Variants in THSD7B observed in about 807,000 individuals in gnomAD.
THSD7B encodes the protein thrombospondin type 1 domain containing 7B.
THSD7B carries 138 observed loss-of-function variants against 213.6 expected under a neutral mutation model. That is an observed-to-expected ratio of 0.65 (90% confidence interval 0.56 to 0.74). The LOEUF (loss-of-function observed/expected upper bound fraction) is 0.74. Among genes scored for constraint, THSD7B ranks in the 30% least tolerant of loss-of-function variants. The pLI, the probability that THSD7B is intolerant of heterozygous loss-of-function variation, is 0.00. For missense variants in THSD7B, 1,931 were observed against 1,991.5 expected, an observed-to-expected ratio of 0.97 and a Z score of 0.58; for synonymous variants, 742 against 687.0, an observed-to-expected ratio of 1.08 and a Z score of -1.25.
chr2:137,654,000 G>A (rs1414354219), intron 21 of THSD7B, among the ~76,000 whole-genome samples: 2 of 151,890 alleles, frequency 1.3e-5, no homozygotes, highest in Admixed American at 6.6e-5. Flanking sequence ...CTGTCTTTAT[G>A]TGGAAGGCTT....
rs547600796 is a variant in THSD7B, at chr2:136,899,484, A to T, written c.139+17167A>T. Among the ~76,000 whole-genome samples, 3 of 152,332 alleles carry T rather than the reference A, an allele frequency of 2.0e-5. No homozygotes were observed. In the East Asian group the frequency reaches 5.8e-4, roughly 29 times the overall value. ...CCAATTGGACAATATATTTCAGTAA[A>T]CGCACAAATCGGTTTTGTACTTCAG... On this transcript the variant is annotated intron_variant, in intron 2 of 27. Coordinates refer to ENST00000409968, the MANE Select transcript of THSD7B (RefSeq NM_001316349.2).
At chr2:136,819,577 G>A (rs1012074406) in intron 1 of THSD7B, among the ~76,000 whole-genome samples, 1 of 152,130 alleles carries the variant, frequency 6.6e-6, no homozygotes, top group Admixed American at 6.5e-5. Context: ...TCCCTGGGAA[G>A]ACTAAATGAG....
chr2:136,867,197 T>C (rs1429983), intron 1 of THSD7B, among the ~76,000 whole-genome samples: 21,715 of 152,198 alleles, frequency 0.14, 1,941 homozygotes, highest in East Asian at 0.39. Context: ...TTTAACATGC[T>C]AGTGTCTCAA....
intron 1 of THSD7B, among the ~76,000 whole-genome samples, chr2:136,837,095 T>C (rs922686401): frequency 1.6e-4 from 24 of 152,246 alleles, no homozygotes; most frequent in Admixed American, 1.6e-3. Flanking sequence ...CCCAAAGATC[T>C]CTCTGTGTCC....
At chr2:136,903,972 GTTTGTT>G (rs1427157665) in intron 2 of THSD7B, among the ~76,000 whole-genome samples, 13,462 of 84,812 alleles carry the variant, frequency 0.16, 1,045 homozygotes, top group Middle Eastern at 0.22. Context: ...GTGTGTGTGT[GTTTGTT>G]TGTTTCTGAG....
intron 15 of THSD7B, among the ~76,000 whole-genome samples, chr2:137,544,605 T>C (rs1266058802): frequency 6.6e-6 from 1 of 151,904 alleles, no homozygotes; most frequent in Non-Finnish European, 1.5e-5. Flanking sequence ...CTGTTGAAGA[T>C]GTATATAATC....
At chr2:136,806,362 C>A (rs1244716637) in intron 1 of THSD7B, among the ~76,000 whole-genome samples, 1 of 152,134 alleles carries the variant, frequency 6.6e-6, no homozygotes, top group Non-Finnish European at 1.5e-5. Context: ...ATTTCTCTGT[C>A]TGTAAAATGT....
intron 2 of THSD7B, among the ~76,000 whole-genome samples, chr2:136,925,974 A>C (rs1435133770): frequency 6.6e-6 from 1 of 152,192 alleles, no homozygotes; most frequent in Non-Finnish European, 1.5e-5. Flanking sequence ...AAAGTACACA[A>C]CTGTATAATA....
At chr2:137,619,250 C>T (rs903228039) in intron 19 of THSD7B, among the ~76,000 whole-genome samples, 4 of 152,226 alleles carry the variant, frequency 2.6e-5, no homozygotes, top group African/African-American at 9.6e-5. Flanking sequence ...AGTTAACTCA[C>T]ATTTCCCCAG....
intron 1 of THSD7B, among the ~76,000 whole-genome samples, chr2:136,831,170 G>T (rs62171213): frequency 2.3e-5 from 3 of 129,568 alleles, no homozygotes; most frequent in South Asian, 2.5e-4. Context: ...TTTCCAATGG[G>T]ATTTTCATCC....
intron 10 of THSD7B, among the ~76,000 whole-genome samples, chr2:137,251,029 G>A (rs1682164086): frequency 6.6e-6 from 1 of 152,196 alleles, no homozygotes; most frequent in Admixed American, 6.5e-5. Context: ...CTCCTTGAGG[G>A]CTTAAACCTT....
intron 2 of THSD7B, among the ~76,000 whole-genome samples, chr2:137,043,449 G>T (rs1172174500): frequency 6.6e-6 from 1 of 152,022 alleles, no homozygotes; most frequent in African/African-American, 2.4e-5. Context: ...TGCTCTGCCT[G>T]GTCACCCTAG....
chr2:137,079,273 T>A (rs1018659099), intron 3 of THSD7B, among the ~76,000 whole-genome samples: 3 of 152,206 alleles, frequency 2.0e-5, no homozygotes, highest in African/African-American at 7.2e-5. Context: ...TTAGTTTTTT[T>A]ATAATCTTTA....
chr2:137,381,627 A>G (rs113360732), intron 12 of THSD7B, among the ~76,000 whole-genome samples: 4,997 of 152,266 alleles, frequency 0.033, 303 homozygotes, highest in African/African-American at 0.11. Context: ...CTCCCCAGTG[A>G]GAGAAAATGG....
intron 15 of THSD7B, among the ~76,000 whole-genome samples, chr2:137,465,003 A>G (rs1230013128): frequency 2.0e-5 from 3 of 152,110 alleles, no homozygotes; most frequent in African/African-American, 7.2e-5. Flanking sequence ...ATTATTGCAA[A>G]GAGCAAATCT....
chr2:137,056,540 C>T lies in THSD7B; in HGVS notation c.260C>T (p.Pro87Leu). ...TCTAACTGTGGTGAGAGCAACAGGC[C>T]TCCAAAGGAAAGAAGTTGTTTCCGA... ...HLSNCGESNR[P>L]PKERSCFRVC... Residue 87 changes from proline (P) to leucine (L), a missense_variant, in exon 3 of 28, where the codon CCT (proline) becomes CTT (leucine). Coordinates refer to ENST00000409968, the MANE Select transcript of THSD7B (RefSeq NM_001316349.2). 1.9e-6 allele frequency: 3 copies of T among 1,613,894 alleles called. No individual in the cohort carries two copies. The highest frequency in any genetic ancestry group is 2.5e-6 in the Non-Finnish European group (3 of 1,179,858).
chr2:136,909,587 C>A (rs79875255), intron 2 of THSD7B, among the ~76,000 whole-genome samples: 2 of 152,222 alleles, frequency 1.3e-5, no homozygotes, highest in African/African-American at 4.8e-5. Flanking sequence ...ACACAAATGA[C>A]TTTGGAAAAT....
At chr2:137,411,358 A>T (rs1046448271) in intron 13 of THSD7B, among the ~76,000 whole-genome samples, 1 of 152,204 alleles carries the variant, frequency 6.6e-6, no homozygotes, top group Non-Finnish European at 1.5e-5. Context: ...TGTAGCAAAC[A>T]TCTTCTAAAT....
Position 137,071,333 on chromosome 2 carries a change from TC to T in THSD7B, c.950+14104del, listed in dbSNP as rs1361159649. On this transcript the variant is annotated intron_variant, in intron 3 of 27. Transcript: ENST00000409968. Reference sequence around the variant, plus strand: ...GTGATGATGAGCATTTCTTCATGTGTCTTTTGCTGCATAAATGTCTTCTTTT... The same window carrying T: ...GTGATGATGAGCATTTCTTCATGTGTTTTTGCTGCATAAATGTCTTCTTTT... Among the ~76,000 whole-genome samples, 15 of 152,360 alleles carry T rather than the reference TC, an allele frequency of 9.8e-5. No homozygotes were observed. In the South Asian group the frequency reaches 1.2e-3, roughly 13 times the overall value.
Sources: allele counts gnomAD v4.1 joint callset (sites outside exome capture counted in the v4.1 genomes callset), GRCh38; gene constraint gnomAD v4.1.1; transcripts MANE v1.5; gene names NCBI Gene and HGNC (gene_info 2026-07-23, HGNC 2026-07-21).